DPYD: variants seen among roughly 807,000 people sequenced by gnomAD.
DPYD encodes the protein dihydropyrimidine dehydrogenase.
Under a neutral mutation model 116.2 loss-of-function variants are expected in DPYD, and 109 were observed. That is an observed-to-expected ratio of 0.94 (90% CI 0.80 to 1.10). The LOEUF is 1.10. Ranked by LOEUF, DPYD falls within the 50% of genes least tolerant of loss-of-function variation. The pLI is 0.00. For synonymous variants in DPYD, 440 were observed against 432.0 expected (o/e 1.02, Z -0.23); for missense variants, 1,302 against 1,254.5 (o/e 1.04, Z -0.57).
chr1:97,114,833 G>A (rs1478476954), intron 20 of DPYD, among the ~76,000 whole-genome samples: 1 of 152,184 alleles, frequency 6.6e-6, no homozygotes, highest in Non-Finnish European at 1.5e-5. Context: ...AACTGTATAT[G>A]TGAATACACT....
chr1:97,893,090 G>C (rs1184116328), intron 1 of DPYD, among the ~76,000 whole-genome samples: 1 of 151,724 alleles, frequency 6.6e-6, no homozygotes, highest in Non-Finnish European at 1.5e-5. Context: ...GTATGTAATA[G>C]AACTAGGTTT....
chr1:97,226,856 T>TA (rs548501521), intron 19 of DPYD, among the ~76,000 whole-genome samples: 335 of 152,080 alleles, frequency 2.2e-3, no homozygotes, highest in African/African-American at 7.4e-3. Context: ...GCATTTTTCA[T>TA]AAAAAAAATC....
At chr1:97,232,261 CCT>C (rs1200724115) in intron 19 of DPYD, among the ~76,000 whole-genome samples, 3 of 152,100 alleles carry the variant, frequency 2.0e-5, no homozygotes, top group Non-Finnish European at 2.9e-5. Flanking sequence ...TGAGAAATCC[CCT>C]GTTATTAGAA....
At chr1:97,525,891 CGCGCGT>C (rs1448157443) in intron 12 of DPYD, among the ~76,000 whole-genome samples, 26 of 108,206 alleles carry the variant, frequency 2.4e-4, no homozygotes, top group Admixed American at 1.0e-4. Context: ...TGTGTGCGCG[CGCGCGT>C]GTGTGTGTGT....
At chr1:97,568,841 A>G (rs1652707394) in intron 11 of DPYD, among the ~76,000 whole-genome samples, 1 of 152,118 alleles carries the variant, frequency 6.6e-6, no homozygotes, top group African/African-American at 2.4e-5. Flanking sequence ...CTAATATGTC[A>G]GTTGCTATTG....
At chr1:97,678,523 T>C (rs1660263715) in intron 8 of DPYD, among the ~76,000 whole-genome samples, 1 of 152,132 alleles carries the variant, frequency 6.6e-6, no homozygotes, top group Non-Finnish European at 1.5e-5. Context: ...AAACACTAAG[T>C]GGAAGAAAAA....
rs147223430 is a variant in DPYD at position 97,164,404 on chromosome 1, A to G, written c.2622+28665T>C. Reference sequence around the variant, plus strand: ...CCCCCTCTCACCACTCCTATTCAACATGGTACTGGAATACCCGGCCAGAGC... The same window carrying G: ...CCCCCTCTCACCACTCCTATTCAACGTGGTACTGGAATACCCGGCCAGAGC... On this transcript the variant is annotated intron_variant, in intron 20 of 22. Transcript: ENST00000370192. 3.8e-3 allele frequency among the ~76,000 whole-genome samples: 572 copies of G among 152,216 alleles called. 11 individuals are homozygous for G. Among genetic ancestry groups the G allele is most frequent in the African/African-American group, 0.013 (547 of 41,542 alleles).
Position 97,121,601 on chromosome 1 carries a change from G to A in DPYD, c.2623-22969C>T, listed in dbSNP as rs141218699. Among the ~76,000 whole-genome samples, 287 of 152,228 alleles carry A rather than the reference G, an allele frequency of 1.9e-3. 2 individuals carry two copies. Among genetic ancestry groups the A allele is most frequent in the Non-Finnish European group, 3.3e-3 (223 of 68,002 alleles). ...GAATGGCTGCATTATATAGGTTGAT[G>A]CATGTAACAACTCTGTTGGAAAGAA... is the stretch of plus-strand genomic sequence containing the variant. On this transcript the variant is annotated intron_variant, in intron 20 of 22. Transcript: ENST00000370192.
At chr1:97,712,365 T>C (rs1302101475) in intron 5 of DPYD, among the ~76,000 whole-genome samples, 1 of 152,074 alleles carries the variant, frequency 6.6e-6, no homozygotes, top group East Asian at 1.9e-4. Context: ...TCTATTGAGA[T>C]TGTCATTATA....
intron 12 of DPYD, among the ~76,000 whole-genome samples, chr1:97,521,970 A>G (rs1215207980): frequency 1.3e-5 from 2 of 152,200 alleles, no homozygotes; most frequent in Non-Finnish European, 2.9e-5. Context: ...AAGAAAACCT[A>G]GTCAAATACC....
intron 7 of DPYD, among the ~76,000 whole-genome samples, chr1:97,688,288 A>T (rs915308062): frequency 6.6e-6 from 1 of 152,182 alleles, no homozygotes; most frequent in Admixed American, 6.5e-5. Flanking sequence ...GGAAAACACA[A>T]AGGAAATTTA....
intron 3 of DPYD, among the ~76,000 whole-genome samples, chr1:97,751,460 G>GTGTA (rs763260651): frequency 0.019 from 400 of 21,256 alleles, 6 homozygotes; most frequent in Middle Eastern, 0.033. Flanking sequence ...GTGTGTGTGT[G>GTGTA]TATATATATA....
intron 20 of DPYD, among the ~76,000 whole-genome samples, chr1:97,167,068 G>C (rs567119240): frequency 9.2e-5 from 14 of 152,172 alleles, no homozygotes; most frequent in Non-Finnish European, 1.8e-4. Flanking sequence ...AAAAATATGA[G>C]ATTCTGCTTT....
At chr1:97,363,469 TA>T (rs1457918480) in intron 16 of DPYD, among the ~76,000 whole-genome samples, 1 of 152,238 alleles carries the variant, frequency 6.6e-6, no homozygotes, top group East Asian at 1.9e-4. Context: ...CAAAAAGGAT[TA>T]TAAATCATGC....
chr1:97,321,032 T>C (rs929062328), intron 16 of DPYD, among the ~76,000 whole-genome samples: 3 of 102,134 alleles, frequency 2.9e-5, no homozygotes, highest in Admixed American at 1.2e-4. Context: ...ACTAGCCATA[T>C]GTAGAAAGCT....
intron 12 of DPYD, among the ~76,000 whole-genome samples, chr1:97,519,584 T>C (rs1648488179): frequency 6.6e-6 from 1 of 152,168 alleles, no homozygotes; most frequent in Admixed American, 6.5e-5. Flanking sequence ...ATCAACTTTT[T>C]CAGTTCTATG....
At chr1:97,521,482 C>T (rs12097874) in intron 12 of DPYD, among the ~76,000 whole-genome samples, 12,680 of 152,170 alleles carry the variant, frequency 0.083, 644 homozygotes, top group South Asian at 0.1. Context: ...GGCCATACTG[C>T]CTAAAGTAAT....
chr1:97,746,948 T>A (rs958298471), intron 3 of DPYD, among the ~76,000 whole-genome samples: 1 of 151,818 alleles, frequency 6.6e-6, no homozygotes, highest in East Asian at 1.9e-4. Context: ...GTGTGTTTTT[T>A]TTTTGTTGCT....
intron 4 of DPYD, among the ~76,000 whole-genome samples, chr1:97,736,543 ACT>A (rs1663954579): frequency 6.6e-6 from 1 of 152,102 alleles, no homozygotes; most frequent in African/African-American, 2.4e-5. Context: ...CAATTATAAT[ACT>A]CTCATCAAAT....
Sources: allele counts gnomAD v4.1 joint callset (sites outside exome capture counted in the v4.1 genomes callset), GRCh38; gene constraint gnomAD v4.1.1; transcripts MANE v1.5; gene names NCBI Gene and HGNC (gene_info 2026-07-23, HGNC 2026-07-21).